Variants in ZNF155 observed in about 807,000 individuals in gnomAD.
The protein encoded by ZNF155 is zinc finger protein 155.
In ZNF155, 15 loss-of-function variants were observed where a neutral mutation model predicts 11.9. The ratio of observed to expected loss-of-function variants is 1.26; its 90% CI spans 0.84 to 1.94. The LOEUF (loss-of-function observed/expected upper bound fraction) is 1.94. ZNF155 is among the 30% of genes most tolerant of loss of function. The pLI, the probability that ZNF155 is intolerant of heterozygous loss-of-function variation, is 0.00. For synonymous variants in ZNF155, 212 were observed against 219.9 expected, an observed-to-expected ratio of 0.96 and a Z score of 0.32; for missense variants, 602 against 639.1, an observed-to-expected ratio of 0.94 and a Z score of 0.63.
At chr19:43,985,827 A>C (rs1975421946) in intron 1 of ZNF155, among the ~76,000 whole-genome samples, 1 of 152,152 alleles carries the variant, frequency 6.6e-6, no homozygotes, top group Non-Finnish European at 1.5e-5. Context: ...GGCGTGAGCC[A>C]CCGCGCCCGG....
chr19:43,985,342 T>C (rs1224927554), intron 1 of ZNF155, among the ~76,000 whole-genome samples: 1 of 152,082 alleles, frequency 6.6e-6, no homozygotes, highest in Admixed American at 6.5e-5. Flanking sequence ...ATTACAGGTG[T>C]GAGCCACCGC....
chr19:43,991,410 G>A, intron 2 of ZNF155, 138 bp from the exon 3 acceptor site: 13 of 1,446,940 alleles, frequency 9.0e-6, no homozygotes, highest in Non-Finnish European at 1.2e-5. Flanking sequence ...GACAGAATGA[G>A]TGGGAAATCT....
chr19:43,989,480 G>T (rs1483974778), intron 2 of ZNF155, among the ~76,000 whole-genome samples: 1 of 152,186 alleles, frequency 6.6e-6, no homozygotes, highest in East Asian at 1.9e-4. Flanking sequence ...ACCTTCTCAG[G>T]TGTACACAGG....
chr19:43,991,208 T>C (rs1487450015), intron 2 of ZNF155, among the ~76,000 whole-genome samples: 1 of 152,142 alleles, frequency 6.6e-6, no homozygotes, highest in East Asian at 1.9e-4. Context: ...GGGACTGAAT[T>C]GTTTAATGTT....
intron 1 of ZNF155, among the ~76,000 whole-genome samples, chr19:43,984,711 G>C (rs555107966): frequency 6.6e-6 from 1 of 152,156 alleles, no homozygotes; most frequent in African/African-American, 2.4e-5. Context: ...CCTGTCACTT[G>C]GTGTCCTGTT....
At position 43,996,607 on chromosome 19, in the gene ZNF155, T is replaced by C. The variant is rs62640896; in HGVS notation, c.750T>C (p.His250=). 3,325 of 1,612,956 alleles carry C rather than the reference T, an allele frequency of 2.1e-3. 67 individuals carry two copies. In the African/African-American group the frequency reaches 0.04, roughly 20 times the overall value. The change falls in exon 5 of 5, where the codon CAT becomes CAC. Residue 250 remains histidine (H), a synonymous_variant. Coordinates refer to ENST00000270014, the MANE Select transcript of ZNF155 (RefSeq NM_198089.3). ...GFSRRSALNV[H]RKLHTGEKPY... is the part of the protein sequence containing the mutation. ...GTCGTAGATCAGCACTTAATGTTCA[T>C]CGTAAATTACACACAGGAGAGAAAC... is the stretch of plus-strand genomic sequence containing the variant.
intron 1 of ZNF155, among the ~76,000 whole-genome samples, chr19:43,986,449 GTT>G (rs869271791): frequency 8.6e-5 from 5 of 58,006 alleles, no homozygotes; most frequent in East Asian, 4.7e-4. Context: ...TCCCATTTGT[GTT>G]TTTTTTTTTT....
chr19:43,989,123 T>C (rs1240338873), intron 2 of ZNF155, among the ~76,000 whole-genome samples: 1 of 152,226 alleles, frequency 6.6e-6, no homozygotes, highest in East Asian at 1.9e-4. Flanking sequence ...GTACTTTTGA[T>C]ATGTACCACA....
intron 1 of ZNF155, among the ~76,000 whole-genome samples, chr19:43,987,251 A>G (rs948486834): frequency 6.6e-6 from 1 of 152,162 alleles, no homozygotes; most frequent in African/African-American, 2.4e-5. Flanking sequence ...AGTCCTCACA[A>G]CTATCTTCTA....
intron 4 of ZNF155, 58 bp from the exon 5 acceptor site, chr19:43,996,035 T>G: frequency 5.9e-6 from 9 of 1,513,586 alleles, no homozygotes; most frequent in Non-Finnish European, 7.1e-6. Context: ...TGTGAAACCT[T>G]GAGATCACTG....
chr19:43,991,859 C>T lies in ZNF155; in HGVS notation c.160C>T (p.Gln54Ter). ...ATTCACAGGGCATCAACCGTTCCAC[C>T]AAGATACTTGCCACTTCCTAAGGGA... ...LLSVGHQPFH[Q>*]DTCHFLREEK... The change falls in exon 4 of 5, where the codon CAA (glutamine) becomes TAA (stop). Residue 54 changes from glutamine (Q) to a stop codon, truncating the protein, a stop_gained. Transcript: ENST00000270014. LOFTEE classifies it high-confidence loss of function. 1 of 1,613,990 alleles carries T rather than the reference C, an allele frequency of 6.2e-7. No individual in the cohort carries two copies. The highest frequency in any genetic ancestry group is 8.5e-7 in the Non-Finnish European group (1 of 1,179,922).
intron 1 of ZNF155, among the ~76,000 whole-genome samples, chr19:43,987,677 C>T (rs1279900769): frequency 1.3e-5 from 2 of 152,168 alleles, no homozygotes; most frequent in Non-Finnish European, 2.9e-5. Flanking sequence ...CAAGTTTCTT[C>T]TGGGGAGATA....
intron 4 of ZNF155, among the ~76,000 whole-genome samples, chr19:43,995,435 G>A (rs1975813397): frequency 7.0e-6 from 1 of 142,140 alleles, no homozygotes; most frequent in South Asian, 2.2e-4. Flanking sequence ...TTGAGACAGG[G>A]TCTCGCTCTG....
intron 2 of ZNF155, chr19:43,990,118 TA>T (rs1373206864): frequency 2.0e-6 from 3 of 1,504,234 alleles, no homozygotes; most frequent in Admixed American, 2.2e-5. Context: ...TGGAGGTAGG[TA>T]AAAAACTGGG....
chr19:43,987,893 G>A (rs1975517369), intron 1 of ZNF155, among the ~76,000 whole-genome samples: 1 of 152,132 alleles, frequency 6.6e-6, no homozygotes, highest in South Asian at 2.1e-4. Flanking sequence ...ACAATTCAGT[G>A]ATCTTCAGGA....
At chr19:43,992,694 G>T (rs1261997837) in intron 4 of ZNF155, among the ~76,000 whole-genome samples, 1 of 152,218 alleles carries the variant, frequency 6.6e-6, no homozygotes, top group African/African-American at 2.4e-5. Flanking sequence ...CATAAACCAG[G>T]ATGATCTTCC....
chr19:43,991,446 C>T (rs419839), intron 2 of ZNF155, 102 bp from the exon 3 acceptor site: 487,820 of 1,574,972 alleles, frequency 0.31, 81,154 homozygotes, highest in East Asian at 0.54. Context: ...TCCCTCAATA[C>T]TGAGAACAAC....
intron 4 of ZNF155, among the ~76,000 whole-genome samples, chr19:43,995,405 A>C (rs1975810428): frequency 1.0e-5 from 1 of 98,996 alleles, no homozygotes; most frequent in Non-Finnish European, 2.0e-5. Context: ...TGCATCCAGC[A>C]CTTTTTTTTT....
Position 43,997,419 on chromosome 19 carries a change from A to T in ZNF155, c.1562A>T (p.Tyr521Phe). 6.2e-7 allele frequency: 1 copy of T among 1,606,522 alleles called. No individual in the cohort carries two copies. The highest frequency in any genetic ancestry group is 8.5e-7 in the Non-Finnish European group (1 of 1,178,192). The change falls in exon 5 of 5, where the codon TAC becomes TTC. Residue 521 changes from tyrosine to phenylalanine, a missense_variant. By Grantham distance (22) the Tyr-to-Phe change is conservative (BLOSUM62 3). Coordinates refer to ENST00000270014, the MANE Select transcript of ZNF155 (RefSeq NM_198089.3). ...PSKCEDCGRR[Y>F]KRRLNLDILL... is the part of the protein sequence containing the mutation. ...AAATGTGAGGATTGTGGGAGACGCT[A>T]CAAGAGGCGCTTGAATCTGGATATA...
Sources: allele counts gnomAD v4.1 joint callset (sites outside exome capture counted in the v4.1 genomes callset), GRCh38; gene constraint gnomAD v4.1.1; transcripts MANE v1.5; gene names NCBI Gene and HGNC (gene_info 2026-07-23, HGNC 2026-07-21).